INPP4B: variants seen among roughly 807,000 people sequenced by gnomAD.
INPP4B encodes inositol polyphosphate-4-phosphatase type II B.
In INPP4B, 55 loss-of-function variants were observed where a neutral mutation model predicts 122.5. The ratio of observed to expected loss-of-function variants is 0.45; its 90% CI spans 0.36 to 0.56. INPP4B has a LOEUF of 0.56. Ranked by LOEUF, INPP4B falls within the 20% of genes least tolerant of loss-of-function variation. INPP4B has a pLI of 0.00. For missense variants in INPP4B, 1,000 were observed against 1,097.7 expected (o/e 0.91, Z 1.26); for synonymous variants, 403 against 388.7 (o/e 1.04, Z -0.43).
At chr4:142,612,148 A>T (rs1275260466) in intron 2 of INPP4B, among the ~76,000 whole-genome samples, 1 of 152,136 alleles carries the variant, frequency 6.6e-6, no homozygotes, top group Admixed American at 6.5e-5. Context: ...GAGGAAGGAG[A>T]GGAGTGTTTG....
chr4:142,709,948 G>A (rs761660652), intron 2 of INPP4B, among the ~76,000 whole-genome samples: 17 of 152,120 alleles, frequency 1.1e-4, no homozygotes, highest in South Asian at 2.1e-4. Context: ...ATTGGCGTAC[G>A]CAAGTTTTCT....
In INPP4B at chr4:142,044,811, C is replaced by G. The variant is rs1012987468; in HGVS notation, c.2643-15897G>C. 5.3e-5 allele frequency among the ~76,000 whole-genome samples: 8 copies of G among 152,198 alleles called. No homozygotes were observed. In the East Asian group the frequency reaches 1.5e-3, roughly 29 times the overall value. On this transcript the variant is annotated intron_variant, in intron 25 of 25. Coordinates refer to ENST00000262992, the MANE Select transcript of INPP4B (RefSeq NM_001101669.3). ...ATTTCAGGGTTAGATATTAGCCATA[C>G]AATAGATAAGTTTCACTGATTATCA...
intron 2 of INPP4B, among the ~76,000 whole-genome samples, chr4:142,653,517 A>C (rs1312059785): frequency 6.6e-6 from 1 of 152,186 alleles, no homozygotes; most frequent in East Asian, 1.9e-4. Context: ...GAACTCCAAC[A>C]AATTTACAAG....
intron 2 of INPP4B, among the ~76,000 whole-genome samples, chr4:142,689,736 G>A (rs1320468711): frequency 6.6e-6 from 1 of 152,044 alleles, no homozygotes; most frequent in African/African-American, 2.4e-5. Flanking sequence ...CTTTTCTAAA[G>A]CATTAAAATA....
chr4:142,834,255 A>C (rs1782514722), intron 1 of INPP4B, among the ~76,000 whole-genome samples: 1 of 152,196 alleles, frequency 6.6e-6, no homozygotes, highest in Admixed American at 6.6e-5. Context: ...TCTGCCAGCA[A>C]AGGACAATGA....
At chr4:142,304,457 A>G (rs919203777) in intron 9 of INPP4B, among the ~76,000 whole-genome samples, 1 of 152,182 alleles carries the variant, frequency 6.6e-6, no homozygotes, top group Admixed American at 6.6e-5. Context: ...TTGAAGTATT[A>G]CATAGTTTAA....
chr4:142,060,188 G>C (rs1301994100), intron 25 of INPP4B, among the ~76,000 whole-genome samples: 1 of 151,974 alleles, frequency 6.6e-6, no homozygotes, highest in East Asian at 1.9e-4. Context: ...TAAGTGTTTG[G>C]TTGCAGAGCC....
chr4:142,631,771 A>G (rs28497887), intron 2 of INPP4B, among the ~76,000 whole-genome samples: 5,272 of 152,268 alleles, frequency 0.035, 315 homozygotes, highest in African/African-American at 0.12. Context: ...CTGAACACGT[A>G]AAATATTTTA....
rs567246028 is a variant in INPP4B, at chr4:142,636,213, A to G, written c.-191+89626T>C. Among the ~76,000 whole-genome samples the G allele has an allele frequency of 1.7e-4, 26 of 152,270 alleles. 2 individuals are homozygous for G. In the South Asian group the frequency reaches 5.4e-3, roughly 32 times the overall value. ...TTTCCTGAGGTCTCCCCAGCAATGC[A>G]GAACTGTGAGTCAATTAAACCTCTT... On this transcript the variant is annotated intron_variant, in intron 2 of 25. Transcript: ENST00000262992.
chr4:142,086,905 CT>C lies in INPP4B; in HGVS notation c.2375-650del, dbSNP rs577395137. On this transcript the variant is annotated intron_variant, in intron 23 of 25. Transcript: ENST00000262992. ...ATAGATGTCATGAGATATAACTTTC[CT>C]TTTTTTGCCATTGAGTAGCTAGTCT... Among the ~76,000 whole-genome samples the C allele has an allele frequency of 5.4e-4, 82 of 152,206 alleles. 2 individuals carry two copies. The highest frequency in any genetic ancestry group is 3.4e-3 in the Middle Eastern group (1 of 294).
chr4:142,035,654 C>T (rs1360863735), intron 25 of INPP4B, among the ~76,000 whole-genome samples: 1 of 152,160 alleles, frequency 6.6e-6, no homozygotes, highest in South Asian at 2.1e-4. Flanking sequence ...TGTACCACCC[C>T]AGACTATATT....
At chr4:142,247,985 A>G (rs993069751) in intron 11 of INPP4B, among the ~76,000 whole-genome samples, 1 of 152,090 alleles carries the variant, frequency 6.6e-6, no homozygotes, top group Non-Finnish European at 1.5e-5. Flanking sequence ...TCTTGTATGG[A>G]AGAGCCTCTG....
At chr4:142,580,021 T>A (rs572121543) in intron 2 of INPP4B, among the ~76,000 whole-genome samples, 2 of 151,486 alleles carry the variant, frequency 1.3e-5, no homozygotes, top group African/African-American at 4.8e-5. Context: ...TACGCAGACT[T>A]CGCTCTATTT....
chr4:142,466,960 C>T (rs1474633729), intron 2 of INPP4B, among the ~76,000 whole-genome samples: 2 of 152,192 alleles, frequency 1.3e-5, no homozygotes, highest in Non-Finnish European at 2.9e-5. Flanking sequence ...GTTAAGCCTG[C>T]AGGTGCACAG....
chr4:142,555,945 G>GTA (rs1729076620), intron 2 of INPP4B, among the ~76,000 whole-genome samples: 1 of 151,910 alleles, frequency 6.6e-6, no homozygotes, highest in African/African-American at 2.4e-5. Context: ...GTGTGTGTGT[G>GTA]TATATACAGA....
chr4:142,436,867 T>C (rs1346898363), intron 3 of INPP4B, among the ~76,000 whole-genome samples: 3 of 150,086 alleles, frequency 2.0e-5, no homozygotes, highest in African/African-American at 7.3e-5. Context: ...CTCCAAATGA[T>C]AGCAACACCT....
intron 9 of INPP4B, 89 bp downstream of exon 9, chr4:142,305,369 C>T: frequency 1.0e-6 from 1 of 976,362 alleles, no homozygotes; most frequent in Non-Finnish European, 1.6e-6. Flanking sequence ...CTAACATCTG[C>T]AAGAATTGTG....
chr4:142,221,128 G>A (rs1286096586), intron 12 of INPP4B, among the ~76,000 whole-genome samples: 5 of 152,046 alleles, frequency 3.3e-5, no homozygotes, highest in Non-Finnish European at 7.4e-5. Context: ...GGCTGGGCAC[G>A]GTGGTTCACG....
chr4:142,072,540 CT>C (rs768906284), intron 25 of INPP4B, among the ~76,000 whole-genome samples: 2,254 of 134,344 alleles, frequency 0.017, 18 homozygotes, highest in African/African-American at 0.022. Context: ...GTGGAAATGA[CT>C]TTTTTTTTTT....
Sources: allele counts gnomAD v4.1 joint callset (sites outside exome capture counted in the v4.1 genomes callset), GRCh38; gene constraint gnomAD v4.1.1; transcripts MANE v1.5; gene names NCBI Gene and HGNC (gene_info 2026-07-23, HGNC 2026-07-21).